The following COL22A1 variants were observed in gnomAD, a reference collection of about 807,000 sequenced individuals.
The protein encoded by COL22A1 is collagen alpha-1(XXII) chain.
Under a neutral mutation model 248.9 loss-of-function variants are expected in COL22A1, and 221 were observed. The ratio of observed to expected loss-of-function variants is 0.89; its 90% CI spans 0.80 to 0.99. The LOEUF is 0.99. COL22A1 is among the 50% of genes least tolerant of loss of function. The pLI is 0.00. For synonymous variants in COL22A1, 891 were observed against 793.4 expected, an observed-to-expected ratio of 1.12 and a Z score of -2.07; for missense variants, 2,240 against 2,179.0, an observed-to-expected ratio of 1.03 and a Z score of -0.56.
At chr8:138,736,293 G>A (rs1831107185) in intron 23 of COL22A1, among the ~76,000 whole-genome samples, 1 of 151,774 alleles carries the variant, frequency 6.6e-6, no homozygotes, top group African/African-American at 2.4e-5. Context: ...GGTGGGTGGG[G>A]GGCTCAAAGA....
At chr8:138,762,317 G>C in intron 17 of COL22A1, 96 bp downstream of exon 17, 1 of 1,234,322 alleles carries the variant, frequency 8.1e-7, no homozygotes, top group African/African-American at 1.5e-5. Flanking sequence ...AGGAGGCCCA[G>C]GTGCTGAGGC....
At chr8:138,781,742 A>G (rs968958820) in intron 12 of COL22A1, among the ~76,000 whole-genome samples, 3 of 152,048 alleles carry the variant, frequency 2.0e-5, no homozygotes, top group African/African-American at 7.2e-5. Context: ...GCCCAGCTCC[A>G]ACACCACTTG....
intron 49 of COL22A1, among the ~76,000 whole-genome samples, chr8:138,633,523 C>T (rs1334308854): frequency 1.3e-5 from 2 of 152,148 alleles, no homozygotes; most frequent in South Asian, 2.1e-4. Flanking sequence ...AGGCTGTAAT[C>T]CATTATTCAT....
At chr8:138,708,515 T>C (rs1586526809) in intron 30 of COL22A1, among the ~76,000 whole-genome samples, 1 of 152,164 alleles carries the variant, frequency 6.6e-6, no homozygotes, top group African/African-American at 2.4e-5. Flanking sequence ...TTGACAAACA[T>C]GACAAAAACA....
At chr8:138,755,343 T>A (rs1229926596) in intron 20 of COL22A1, 133 bp from the exon 21 acceptor site, 2 of 1,255,996 alleles carry the variant, frequency 1.6e-6, no homozygotes. Context: ...GGTATGGGAG[T>A]GGGTATTTGC....
intron 1 of COL22A1, among the ~76,000 whole-genome samples, chr8:138,893,013 G>A (rs998671716): frequency 1.3e-5 from 2 of 152,190 alleles, no homozygotes; most frequent in African/African-American, 2.4e-5. Flanking sequence ...AGCTTGGAAC[G>A]ACTGGCACAG....
rs558189819 is a variant in COL22A1 at position 138,790,539 on chromosome 8, C to T, written c.1596+6280G>A. Reference sequence around the variant, plus strand: ...GTCGTGGAACTCCCTCTTCATTCCTCCTCCCGCTCTGCAGTCCAATTCTAC... The same window carrying T: ...GTCGTGGAACTCCCTCTTCATTCCTTCTCCCGCTCTGCAGTCCAATTCTAC... On this transcript the variant is annotated intron_variant, in intron 12 of 64. Coordinates refer to ENST00000303045, the MANE Select transcript of COL22A1 (RefSeq NM_152888.3). 2.0e-5 allele frequency among the ~76,000 whole-genome samples: 3 copies of T among 152,330 alleles called. No homozygotes were observed. The South Asian group carries it at 6.2e-4, about 32-fold the overall frequency.
At chr8:138,707,487 C>A (rs529977587) in intron 30 of COL22A1, among the ~76,000 whole-genome samples, 3 of 152,270 alleles carry the variant, frequency 2.0e-5, no homozygotes, top group Non-Finnish European at 4.4e-5. Flanking sequence ...TCAACATATG[C>A]AAATCAATAA....
intron 12 of COL22A1, among the ~76,000 whole-genome samples, chr8:138,786,122 C>T (rs1051397592): frequency 2.0e-5 from 3 of 152,136 alleles, no homozygotes; most frequent in Non-Finnish European, 4.4e-5. Flanking sequence ...AAATAGGGAT[C>T]GTCAACCTAA....
At chr8:138,839,391 C>T (rs1292975139) in intron 4 of COL22A1, among the ~76,000 whole-genome samples, 1 of 152,204 alleles carries the variant, frequency 6.6e-6, no homozygotes, top group East Asian at 1.9e-4. Context: ...GGGTTTCTTT[C>T]TTCAGGCAAT....
chr8:138,791,798 G>A (rs1215072647), intron 12 of COL22A1, among the ~76,000 whole-genome samples: 2 of 152,096 alleles, frequency 1.3e-5, no homozygotes, highest in African/African-American at 4.8e-5. Context: ...CAGTAAAATT[G>A]AAGAAAACCA....
intron 23 of COL22A1, among the ~76,000 whole-genome samples, chr8:138,726,243 G>A (rs1323732345): frequency 6.6e-6 from 1 of 151,992 alleles, no homozygotes; most frequent in African/African-American, 2.4e-5. Flanking sequence ...TGTAATCACA[G>A]GACTTTGGAA....
At position 138,737,509 on chromosome 8, in the gene COL22A1, G is replaced by GTTTT. The variant is rs771700113; in HGVS notation, c.2139+14_2139+15insAAAA. On this transcript the variant is annotated intron_variant, in intron 23 of 64. Transcript: ENST00000303045. ...AAGCAGCGTTGCTATGGAAGAGAAT[G>GTTTT]TAAAAGGTAGTTACCTGCAGCCCCA... 8.0e-5 allele frequency: 127 copies of GTTTT among 1,585,882 alleles called. No individual in the cohort carries two copies. Among genetic ancestry groups the GTTTT allele is most frequent in the Non-Finnish European group, 1.1e-4 (124 of 1,154,496 alleles).
chr8:138,680,619 C>T (rs1259096145), intron 39 of COL22A1, among the ~76,000 whole-genome samples: 1 of 152,136 alleles, frequency 6.6e-6, no homozygotes, highest in South Asian at 2.1e-4. Flanking sequence ...TTTCAATCAG[C>T]ACCTGGGACA....
At chr8:138,782,792 G>C (rs369918552) in intron 12 of COL22A1, among the ~76,000 whole-genome samples, 5 of 152,132 alleles carry the variant, frequency 3.3e-5, no homozygotes, top group African/African-American at 1.2e-4. Context: ...GGTACTGTCC[G>C]TTCTCCCAGT....
chr8:138,751,547 C>G, intron 21 of COL22A1, 36 bp from the exon 22 acceptor site: 1 of 1,498,754 alleles, frequency 6.7e-7, no homozygotes, highest in East Asian at 2.3e-5. Flanking sequence ...GAGAGAGAAA[C>G]ATAATGGTAA....
intron 44 of COL22A1, among the ~76,000 whole-genome samples, chr8:138,659,210 C>T (rs1435554629): frequency 6.6e-6 from 1 of 152,152 alleles, no homozygotes; most frequent in East Asian, 1.9e-4. Flanking sequence ...TAACTTCCAA[C>T]AAGACTTTAT....
intron 12 of COL22A1, among the ~76,000 whole-genome samples, chr8:138,794,208 G>T (rs1480579845): frequency 6.6e-6 from 1 of 152,130 alleles, no homozygotes; most frequent in African/African-American, 2.4e-5. Flanking sequence ...CCAACATGGT[G>T]AAACTCTGTC....
intron 62 of COL22A1, among the ~76,000 whole-genome samples, chr8:138,595,104 T>C (rs1331628062): frequency 6.6e-6 from 1 of 152,088 alleles, no homozygotes; most frequent in South Asian, 2.1e-4. Flanking sequence ...AACCAGAGGC[T>C]GGGAGGCTAC....
Sources: allele counts gnomAD v4.1 joint callset (sites outside exome capture counted in the v4.1 genomes callset), GRCh38; gene constraint gnomAD v4.1.1; transcripts MANE v1.5; gene names NCBI Gene and HGNC (gene_info 2026-07-23, HGNC 2026-07-21).